The following IKBKG variants were observed in gnomAD, a reference collection of about 807,000 sequenced individuals.
IKBKG encodes the protein inhibitor of nuclear factor kappa B kinase regulatory subunit gamma.
In IKBKG, 2 loss-of-function variants were observed where a neutral mutation model predicts 13.7. The ratio of observed to expected loss-of-function variants is 0.15; its 90% CI spans 0.06 to 0.46. The LOEUF is 0.46. IKBKG is among the 20% of genes least tolerant of loss of function. The probability of loss-of-function intolerance (pLI) is 0.98; values close to 1 mark genes in which losing one functional copy is unlikely to be tolerated. For missense variants in IKBKG, 53 were observed against 150.3 expected, an observed-to-expected ratio of 0.35 and a Z score of 3.39; for synonymous variants, 22 against 64.4, an observed-to-expected ratio of 0.34 and a Z score of 3.15.
chrX:154,552,388 CAG>C (rs1428906012), intron 2 of IKBKG, among the ~76,000 whole-genome samples, 199 bp downstream of exon 2: 1 of 111,857 alleles, frequency 8.9e-6, no homozygotes, highest in Non-Finnish European at 1.9e-5. Flanking sequence ...AAAGGAGGGA[CAG>C]GGGAAGAAGC....
intron 1 of IKBKG, among the ~76,000 whole-genome samples, chrX:154,548,469 G>A (rs1033457577): frequency 8.9e-6 from 1 of 112,888 alleles, no homozygotes; most frequent in East Asian, 2.7e-4. Flanking sequence ...AGAGGTAATT[G>A]CAGTAATCCA....
intron 1 of IKBKG, among the ~76,000 whole-genome samples, chrX:154,551,694 CA>C (rs1259985758): frequency 9.0e-6 from 1 of 111,280 alleles, no homozygotes; most frequent in African/African-American, 3.3e-5. Context: ...GGATTCCCAG[CA>C]TACTGACATC....
chrX:154,547,448 G>C, upstream of IKBKG: 2 of 755,194 alleles, frequency 2.6e-6, no homozygotes, highest in Non-Finnish European at 3.1e-6. Flanking sequence ...CTGCAAAGTG[G>C]CCGGCGTGCT....
chrX:154,555,707 G>A (rs1557235894), intron 2 of IKBKG, among the ~76,000 whole-genome samples: 1 of 111,664 alleles, frequency 9.0e-6, no homozygotes, highest in Non-Finnish European at 1.9e-5. Context: ...AGCCTCCCAA[G>A]TAGCTGGGAT....
At chrX:154,543,335 G>A (rs1420876923), upstream of IKBKG, among the ~76,000 whole-genome samples, 2 of 112,532 alleles carry the variant, frequency 1.8e-5, no homozygotes, top group African/African-American at 3.2e-5. Flanking sequence ...GGCCACAGGC[G>A]GAGGCAGTGA....
chrX:154,554,269 T>C (rs1413308950), intron 2 of IKBKG, among the ~76,000 whole-genome samples: 1 of 112,333 alleles, frequency 8.9e-6, no homozygotes, highest in African/African-American at 3.2e-5. Context: ...TGTCCAGAAG[T>C]GGCCAATCTG....
chrX:154,546,274 C>A (rs2070712445), upstream of IKBKG: 1 of 1,004,511 alleles, frequency 1.0e-6, no homozygotes, highest in African/African-American at 1.8e-5. Flanking sequence ...CACCTGATTG[C>A]CCAAATCACT....
At chrX:154,547,973 A>G in intron 1 of IKBKG, 1 of 753,316 alleles carries the variant, frequency 1.3e-6, no homozygotes, top group Non-Finnish European at 1.6e-6. Flanking sequence ...GTCTGACCCT[A>G]CTCCTTGTGT....
At chrX:154,543,710 G>C (rs2070594968), upstream of IKBKG, among the ~76,000 whole-genome samples, 6 of 109,631 alleles carry the variant, frequency 5.5e-5, 1 homozygote, top group Admixed American at 5.9e-4. Context: ...ATTTTTTTGA[G>C]ATGGAGTCTC....
At chrX:154,545,836 C>CAA (rs781893284), upstream of IKBKG, 1,434 of 279,569 alleles carry the variant, frequency 5.1e-3, no homozygotes, top group African/African-American at 6.8e-3. Flanking sequence ...ACTCCGTCTC[C>CAA]AAAAAAAAAA....
upstream of IKBKG, chrX:154,546,779 G>C (rs935099185): frequency 3.5e-5 from 40 of 1,154,238 alleles, no homozygotes; most frequent in Non-Finnish European, 4.6e-5. Flanking sequence ...GCGCCCGCCC[G>C]GCCGGTTACC....
chrX:154,545,905 G>A, upstream of IKBKG: 1 of 782,524 alleles, frequency 1.3e-6, no homozygotes, highest in Non-Finnish European at 1.9e-6. Context: ...TGATCCTGGC[G>A]CACTAGCAGG....
intron 1 of IKBKG, among the ~76,000 whole-genome samples, chrX:154,549,224 G>T (rs1359111508): frequency 2.8e-5 from 3 of 109,068 alleles, no homozygotes; most frequent in Non-Finnish European, 5.7e-5. Context: ...CTTGTCATCC[G>T]CCCGCCTCGG....
upstream of IKBKG, chrX:154,545,677 A>G (rs1232893460): frequency 9.0e-6 from 2 of 221,425 alleles, no homozygotes; most frequent in African/African-American, 3.0e-5. Flanking sequence ...TCTACTAACA[A>G]TACAAAAATT....
upstream of IKBKG, chrX:154,542,484 TG>T: frequency 1.7e-6 from 2 of 1,151,718 alleles, no homozygotes; most frequent in Non-Finnish European, 2.3e-6. Flanking sequence ...CTGGTAGGGG[TG>T]GGAGTCCTGA....
chrX:154,553,375 T>C (rs782522626), intron 2 of IKBKG, among the ~76,000 whole-genome samples: 1 of 112,913 alleles, frequency 8.9e-6, no homozygotes, highest in East Asian at 2.8e-4. Context: ...AGTCACATAG[T>C]CTGTAGGCTT....
chrX:154,545,915 G>A (rs1164949461), upstream of IKBKG: 1 of 881,385 alleles, frequency 1.1e-6, no homozygotes, highest in Admixed American at 2.2e-5. Context: ...GCACTAGCAG[G>A]AGCGGGAGGA....
chrX:154,551,963 C>T (rs782098796), intron 1 of IKBKG, 25 bp from the exon 2 acceptor site: 2 of 1,039,323 alleles, frequency 1.9e-6, no homozygotes, highest in Admixed American at 3.4e-5. Context: ...TCTCCTGTGA[C>T]TCCCCTGCTG....
At chrX:154,550,260 A>ATGTG (rs781959969) in intron 1 of IKBKG, among the ~76,000 whole-genome samples, 52 of 94,091 alleles carry the variant, frequency 5.5e-4, no homozygotes, top group African/African-American at 7.2e-4. Flanking sequence ...GTGTGTGTGT[A>ATGTG]TGTGTGTGTG....
Sources: allele counts gnomAD v4.1 joint callset (sites outside exome capture counted in the v4.1 genomes callset), GRCh38; gene constraint gnomAD v4.1.1; transcripts MANE v1.5; gene names NCBI Gene and HGNC (gene_info 2026-07-23, HGNC 2026-07-21).